Variants in NOTCH2 observed in about 807,000 individuals in gnomAD.
NOTCH2 encodes neurogenic locus notch homolog protein 2.
A neutral mutation model predicts 235.8 loss-of-function variants in NOTCH2; 29 were observed. The observed-to-expected ratio is 0.12, with a 90% CI of 0.09 to 0.17. The LOEUF is 0.17. Ranked by LOEUF, NOTCH2 falls within the 10% of genes least tolerant of loss-of-function variation. The pLI is 1.00. For missense variants in NOTCH2, 2,285 were observed against 3,150.2 expected, an observed-to-expected ratio of 0.73 and a Z score of 6.57; for synonymous variants, 1,086 against 1,141.5, an observed-to-expected ratio of 0.95 and a Z score of 0.98.
chr1:119,937,221 G>T, intron 21 of NOTCH2, 61 bp downstream of exon 21: 1 of 1,520,660 alleles, frequency 6.6e-7, no homozygotes, highest in Non-Finnish European at 9.1e-7. Context: ...ATATATCAGT[G>T]CTCAAACAGT....
chr1:119,915,012 A>G lies in NOTCH2; in HGVS notation c.*294T>C, dbSNP rs1056601934. On this transcript the variant is annotated 3_prime_UTR_variant, in exon 34 of 34. Transcript: ENST00000256646. ...CTGCAAGAATGTCTGGGCTTCAATAAGCATCCATCTTATTCTCCAAATAGA... is the reference window on the plus strand; with the variant it reads ...CTGCAAGAATGTCTGGGCTTCAATAGGCATCCATCTTATTCTCCAAATAGA... 1.0e-5 allele frequency: 5 copies of G among 478,866 alleles called. No homozygotes were observed. The highest frequency in any genetic ancestry group is 3.4e-5 in the Admixed American group (1 of 29,536). The allele number at this position is 478,866 out of a possible 1,614,324, so 29.7% of individuals were successfully genotyped here.
chr1:119,994,529 TACACACACACACACAC>T (rs36007595), intron 4 of NOTCH2: 4 of 111,842 alleles, frequency 3.6e-5, no homozygotes, highest in African/African-American at 1.3e-4. Flanking sequence ...CATATATATA[TACACACACACACACAC>T]ACACACACAC....
intron 3 of NOTCH2, among the ~76,000 whole-genome samples, chr1:120,000,729 C>A (rs1374938434): frequency 6.6e-6 from 1 of 150,638 alleles, no homozygotes; most frequent in Non-Finnish European, 1.5e-5. Context: ...TACTTTGCCT[C>A]CTAATAGCAA....
chr1:119,977,487 C>A (rs1211350262), intron 5 of NOTCH2, among the ~76,000 whole-genome samples: 1 of 152,162 alleles, frequency 6.6e-6, no homozygotes, highest in Non-Finnish European at 1.5e-5. Flanking sequence ...CTAAACACAC[C>A]AGCCCAGTCA....
intron 22 of NOTCH2, among the ~76,000 whole-genome samples, chr1:119,931,363 C>T (rs1336640837): frequency 6.6e-6 from 1 of 151,862 alleles, no homozygotes; most frequent in African/African-American, 2.4e-5. Flanking sequence ...AAAGACATAC[C>T]AGGATTTGGT....
At chr1:119,984,532 C>G (rs1651938516) in intron 5 of NOTCH2, among the ~76,000 whole-genome samples, 1 of 152,168 alleles carries the variant, frequency 6.6e-6, no homozygotes, top group Non-Finnish European at 1.5e-5. Flanking sequence ...GATTCCTGCT[C>G]CATTCACTTC....
chr1:120,043,788 C>T (rs1484767612), intron 1 of NOTCH2, among the ~76,000 whole-genome samples: 1 of 148,560 alleles, frequency 6.7e-6, no homozygotes, highest in East Asian at 2.0e-4. Context: ...CCTACCTACA[C>T]AACAAAAGAA....
Position 120,064,711 on chromosome 1 carries a change from T to C in NOTCH2, c.73+4623A>G, listed in dbSNP as rs1172191893. 1.4e-5 allele frequency among the ~76,000 whole-genome samples: 2 copies of C among 137,994 alleles called. 1 individual carries two copies. Among genetic ancestry groups the C allele is most frequent in the Non-Finnish European group, 3.0e-5 (2 of 66,264 alleles). 90.5% of individuals were successfully genotyped at this position (137,994 alleles called of 152,430 possible). A position where few individuals can be genotyped will look rare whatever the true frequency, so the allele number is the denominator to read the frequency against. ...ATATTTATTCATCATATTTCATCTTTAGTTTTTGTCAGTAGGGTGTTCAGG... is the reference window on the plus strand; with the variant it reads ...ATATTTATTCATCATATTTCATCTTCAGTTTTTGTCAGTAGGGTGTTCAGG... On this transcript the variant is annotated intron_variant, in intron 1 of 33. Coordinates refer to ENST00000256646, the MANE Select transcript of NOTCH2 (RefSeq NM_024408.4).
At chr1:120,066,551 T>C (rs1553217125) in intron 1 of NOTCH2, among the ~76,000 whole-genome samples, 1 of 150,906 alleles carries the variant, frequency 6.6e-6, no homozygotes, top group African/African-American at 2.5e-5. Context: ...TCTGTGGGTG[T>C]GATATTTTTA....
At chr1:120,043,593 C>T (rs1250959777) in intron 1 of NOTCH2, among the ~76,000 whole-genome samples, 1 of 152,170 alleles carries the variant, frequency 6.6e-6, no homozygotes, top group Admixed American at 6.5e-5. Context: ...TAACCACCCA[C>T]ATACCAGCTA....
intron 1 of NOTCH2, among the ~76,000 whole-genome samples, chr1:120,062,562 A>T (rs1326308805): frequency 1.5e-5 from 1 of 64,676 alleles, no homozygotes; most frequent in African/African-American, 1.0e-4. Context: ...ACTGTATTTC[A>T]TATTCCTAAT....
In NOTCH2 at chr1:120,001,307, G is replaced by A. The variant is rs587675558; in HGVS notation, c.416-3975C>T. ...CCGAGGGAAACTTTGGAGGGAACCAGCTACTAGATGGTTCAATTAGTCTTT... is the reference window on the plus strand; with the variant it reads ...CCGAGGGAAACTTTGGAGGGAACCAACTACTAGATGGTTCAATTAGTCTTT... On this transcript the variant is annotated intron_variant, in intron 3 of 33. Coordinates refer to ENST00000256646, the MANE Select transcript of NOTCH2 (RefSeq NM_024408.4). Among the ~76,000 whole-genome samples, 63 of 152,102 alleles carry A rather than the reference G, an allele frequency of 4.1e-4. 1 individual carries two copies. Among genetic ancestry groups the A allele is most frequent in the African/African-American group, 1.5e-3 (61 of 41,524 alleles).
chr1:119,925,517 T>A lies in NOTCH2; in HGVS notation c.4299A>T (p.Lys1433Asn). ...ATCLSQYCAD[K>N]ARDGVCDEAC... Reference sequence around the variant, plus strand: ...CCTCATCACAGACGCCATCCCGAGCTTTGTCGGCACAATACTGGCTCAGAC... The same window carrying A: ...CCTCATCACAGACGCCATCCCGAGCATTGTCGGCACAATACTGGCTCAGAC... The change falls in exon 25 of 34, where the codon AAA (lysine) becomes AAT (asparagine). Residue 1433 changes from lysine to asparagine, a missense_variant. Physicochemically the swap from Lys to Asn is moderately conservative, Grantham distance 94. This residue lies in a region of NOTCH2 where 1,173 missense variants were observed against 1,515.3 expected (regional missense o/e 0.77). Transcript: ENST00000256646. The A allele has an allele frequency of 6.2e-7, 1 of 1,614,060 alleles. No individual in the cohort carries two copies. Among genetic ancestry groups the A allele is most frequent in the Non-Finnish European group, 8.5e-7 (1 of 1,180,026 alleles).
intron 15 of NOTCH2, 106 bp from the exon 16 acceptor site, chr1:119,949,232 G>A (rs1650370467): frequency 1.7e-6 from 2 of 1,200,898 alleles, no homozygotes; most frequent in East Asian, 4.7e-5. Flanking sequence ...TCCTGATTAA[G>A]AGGCTTTGAA....
chr1:119,916,747 A>G, intron 33 of NOTCH2, 53 bp from the exon 34 acceptor site: 1 of 1,572,094 alleles, frequency 6.4e-7, no homozygotes, highest in East Asian at 2.2e-5. Flanking sequence ...TTGAGAATAT[A>G]GCAGTTTTTC....
At chr1:119,975,410 G>A (rs929446420) in intron 5 of NOTCH2, among the ~76,000 whole-genome samples, 1 of 152,150 alleles carries the variant, frequency 6.6e-6, no homozygotes, top group Non-Finnish European at 1.5e-5. Flanking sequence ...CACTTTGGAA[G>A]GCTGAGGCAG....
chr1:119,930,103 G>T (rs931312219), intron 22 of NOTCH2, among the ~76,000 whole-genome samples: 20 of 152,154 alleles, frequency 1.3e-4, no homozygotes, highest in Non-Finnish European at 2.6e-4. Context: ...ACTCCATGAT[G>T]ATTGTACAAC....
At chr1:119,995,847 G>C (rs1479414012) in intron 4 of NOTCH2, 4 of 152,144 alleles carry the variant, frequency 2.6e-5, no homozygotes, top group Non-Finnish European at 5.9e-5. Context: ...CAAATGAAAT[G>C]AATAAATTAC....
intron 1 of NOTCH2, among the ~76,000 whole-genome samples, chr1:120,046,163 G>A (rs1400259167): frequency 7.2e-6 from 1 of 138,018 alleles, no homozygotes; most frequent in Non-Finnish European, 1.5e-5. Context: ...AGAGTATACA[G>A]TATGCCAGAA....
Sources: allele counts gnomAD v4.1 joint callset (sites outside exome capture counted in the v4.1 genomes callset), GRCh38; gene constraint gnomAD v4.1.1; regional missense constraint gnomAD v4.1.1; transcripts MANE v1.5; gene names NCBI Gene and HGNC (gene_info 2026-07-23, HGNC 2026-07-21).